ESR1: variants seen among roughly 807,000 people sequenced by gnomAD.
The protein encoded by ESR1 is estrogen receptor.
In ESR1, 12 loss-of-function variants were observed where a neutral mutation model predicts 52.7. The ratio of observed to expected loss-of-function variants is 0.23; its 90% CI spans 0.15 to 0.37. ESR1 has a LOEUF of 0.37. Among genes scored for constraint, ESR1 ranks in the 10% least tolerant of loss-of-function variants. ESR1 has a pLI of 1.00. For missense variants in ESR1, 584 were observed against 779.7 expected, an observed-to-expected ratio of 0.75 and a Z score of 2.99; for synonymous variants, 305 against 316.8, an observed-to-expected ratio of 0.96 and a Z score of 0.39.
rs9340772 is a variant in ESR1, at chr6:151,807,743, C to T, written c.-170C>T. Reference sequence around the variant, plus strand: ...CTCCCGTCGGGTCGCCCGGCTTCACCGGACCCGCAGGCTCCCGGGGCAGGG... The same window carrying T: ...CTCCCGTCGGGTCGCCCGGCTTCACTGGACCCGCAGGCTCCCGGGGCAGGG... On this transcript the variant is annotated 5_prime_UTR_variant, in exon 1 of 8. Coordinates refer to ENST00000206249, the MANE Select transcript of ESR1 (RefSeq NM_000125.4). 2,176 of 713,154 alleles carry T rather than the reference C, an allele frequency of 3.1e-3. 33 individuals are homozygous for T. The African/African-American group carries it at 0.033, about 11-fold the overall frequency. The allele number at this position is 713,154 out of a possible 1,614,324, so 44.2% of individuals were successfully genotyped here. A position where few individuals can be genotyped will look rare whatever the true frequency, so the allele number is the denominator to read the frequency against.
intron 1 of ESR1, among the ~76,000 whole-genome samples, chr6:151,824,781 C>T (rs7771894): frequency 0.13 from 20,185 of 151,962 alleles, 2,629 homozygotes; most frequent in African/African-American, 0.32. Context: ...ATTAGCCGGG[C>T]GTGGTGGCAC....
intron 3 of ESR1, among the ~76,000 whole-genome samples, chr6:151,920,240 G>A (rs1379280022): frequency 6.6e-6 from 1 of 151,580 alleles, no homozygotes; most frequent in African/African-American, 2.4e-5. Context: ...ATTCCAAACA[G>A]TGAAGGGGCA....
chr6:151,657,692 A>C (rs180767519), intron 1 of ESR1, among the ~76,000 whole-genome samples: 1 of 152,312 alleles, frequency 6.6e-6, no homozygotes, highest in African/African-American at 2.4e-5. Flanking sequence ...AAAAGGCCCC[A>C]GAAGGAATTA....
At chr6:151,800,645 G>T (rs1007733000), upstream of ESR1, among the ~76,000 whole-genome samples, 8 of 152,058 alleles carry the variant, frequency 5.3e-5, no homozygotes, top group Non-Finnish European at 8.8e-5. Flanking sequence ...AAAATAAATC[G>T]CTGTTGTTTA....
intron 2 of ESR1, among the ~76,000 whole-genome samples, chr6:151,759,465 T>C (rs997469279): frequency 2.6e-5 from 4 of 152,086 alleles, no homozygotes; most frequent in African/African-American, 9.6e-5. Context: ...TGTATACATA[T>C]GTAACTAACC....
At position 151,920,771 on chromosome 6, in the gene ESR1, A is replaced by G. The variant is rs187144380; in HGVS notation, c.761-23402A>G. Among the ~76,000 whole-genome samples, 616 of 152,278 alleles carry G rather than the reference A, an allele frequency of 4.0e-3. 3 individuals are homozygous for G. The highest frequency in any genetic ancestry group is 5.8e-3 in the Non-Finnish European group (392 of 68,016). ...AGTGTGATTGTCATCACATCGTATC[A>G]AGGGTACATGCCATCAATATGACTT... is the stretch of plus-strand genomic sequence containing the variant. On this transcript the variant is annotated intron_variant, in intron 3 of 7. Transcript: ENST00000206249.
At chr6:151,989,396 A>G (rs1029980383) in intron 4 of ESR1, among the ~76,000 whole-genome samples, 7 of 152,128 alleles carry the variant, frequency 4.6e-5, no homozygotes, top group Non-Finnish European at 8.8e-5. Context: ...GTCTTTCTCA[A>G]TAATTCCCCC....
upstream of ESR1, among the ~76,000 whole-genome samples, chr6:151,799,749 G>A (rs183345304): frequency 5.0e-4 from 76 of 152,242 alleles, no homozygotes; most frequent in Non-Finnish European, 8.4e-4. Context: ...AATCAAGGAA[G>A]GCTTCCTGGT....
At chr6:151,899,537 A>G (rs1265538896) in intron 3 of ESR1, among the ~76,000 whole-genome samples, 5 of 111,998 alleles carry the variant, frequency 4.5e-5, no homozygotes, top group Admixed American at 8.8e-5. Context: ...TGACCCCCCC[A>G]CCTCCCTCCC....
At chr6:152,049,590 T>C (rs1037849694) in intron 5 of ESR1, among the ~76,000 whole-genome samples, 3 of 152,242 alleles carry the variant, frequency 2.0e-5, no homozygotes, top group Admixed American at 2.0e-4. Context: ...TGAGTTCTTC[T>C]GGGTGAGTAA....
chr6:152,007,686 G>T (rs2042436900), intron 4 of ESR1, among the ~76,000 whole-genome samples: 2 of 152,020 alleles, frequency 1.3e-5, no homozygotes. Context: ...TTTTCGATAT[G>T]CATTCTGTCC....
chr6:151,672,801 A>G (rs1229184195), intron 1 of ESR1, among the ~76,000 whole-genome samples: 1 of 148,202 alleles, frequency 6.7e-6, no homozygotes, highest in Non-Finnish European at 1.5e-5. Flanking sequence ...ATGTTTTAAC[A>G]TTCTTTGTGC....
upstream of ESR1, chr6:151,805,102 T>C (rs1777652232): frequency 6.6e-6 from 1 of 152,202 alleles, no homozygotes; most frequent in African/African-American, 2.4e-5. Flanking sequence ...GAAAGGTTTG[T>C]GGGTTTGGTT....
At chr6:152,023,615 GT>G (rs2043875904) in intron 5 of ESR1, among the ~76,000 whole-genome samples, 1 of 152,138 alleles carries the variant, frequency 6.6e-6, no homozygotes, top group South Asian at 2.1e-4. Flanking sequence ...AAAAATGTCT[GT>G]TTATAGTTGA....
intron 3 of ESR1, among the ~76,000 whole-genome samples, chr6:151,924,837 T>G (rs796160126): frequency 4.6e-5 from 7 of 152,208 alleles, no homozygotes; most frequent in African/African-American, 1.4e-4. Flanking sequence ...ACTACATTGT[T>G]TTTTTTTAAA....
intron 1 of ESR1, among the ~76,000 whole-genome samples, chr6:151,662,929 T>A (rs2115207326): frequency 6.6e-6 from 1 of 152,356 alleles, no homozygotes; most frequent in South Asian, 2.1e-4. Flanking sequence ...TTATTCTGTG[T>A]AGTGGAAAGC....
rs1008044953 is a variant in ESR1 at position 151,879,460 on chromosome 6, A to G, written c.644-1195A>G. On this transcript the variant is annotated intron_variant, in intron 2 of 7. Coordinates refer to ENST00000206249, the MANE Select transcript of ESR1 (RefSeq NM_000125.4). ...TGAGTTCAGCTGGGAACAAGGGATA[A>G]GATAGAAGATGGAAGTTAGAGAGCA... Among the ~76,000 whole-genome samples, 3 of 151,456 alleles carry G rather than the reference A, an allele frequency of 2.0e-5. No individual in the cohort carries two copies. The East Asian group carries it at 5.8e-4, about 29-fold the overall frequency.
chr6:151,736,780 G>GGTACAGT (rs1782714519), intron 2 of ESR1, among the ~76,000 whole-genome samples: 2 of 152,064 alleles, frequency 1.3e-5, no homozygotes, highest in Admixed American at 6.6e-5. Context: ...ATAGGAAAGC[G>GGTACAGT]GTACAGTGAC....
chr6:151,806,530 G>GTGTATATATATATATATA (rs1554259015), upstream of ESR1, among the ~76,000 whole-genome samples: 6 of 96,468 alleles, frequency 6.2e-5, no homozygotes, highest in Admixed American at 4.2e-4. Flanking sequence ...TCCTTAATAT[G>GTGTATATATATATATATA]TATATATATA....
Sources: gnomAD v4.1 joint callset for allele counts (sites outside exome capture counted in the v4.1 genomes callset) on GRCh38, gnomAD v4.1.1 for gene constraint, MANE v1.5 for transcripts, NCBI Gene and HGNC (gene_info 2026-07-23, HGNC 2026-07-21) for gene names.